Variants in COL13A1 observed in about 807,000 individuals in gnomAD.
COL13A1 encodes collagen alpha-1(XIII) chain.
In COL13A1, 89 loss-of-function variants were observed where a neutral mutation model predicts 130.9. The observed-to-expected ratio is 0.68, with a 90% CI of 0.57 to 0.81. The LOEUF (loss-of-function observed/expected upper bound fraction) is 0.81. Among genes scored for constraint, COL13A1 ranks in the 30% least tolerant of loss-of-function variants. The pLI is 0.00. For missense variants in COL13A1, 879 were observed against 934.6 expected (o/e 0.94, Z 0.78); for synonymous variants, 402 against 341.6 (o/e 1.18, Z -1.95).
intron 26 of COL13A1, among the ~76,000 whole-genome samples, chr10:69,926,682 C>T (rs887775368): frequency 2.0e-5 from 3 of 152,086 alleles, no homozygotes; most frequent in East Asian, 1.9e-4. Context: ...AAGGGAGGTG[C>T]GTGGCAACTT....
intron 3 of COL13A1, among the ~76,000 whole-genome samples, chr10:69,868,119 CAA>C (rs55856106): frequency 0.46 from 58,449 of 126,312 alleles, 13,731 homozygotes; most frequent in Middle Eastern, 0.56. Context: ...CTATTGGAGT[CAA>C]AAAAAAAAAA....
chr10:69,929,914 C>T, intron 28 of COL13A1, 129 bp from the exon 29 acceptor site: 1 of 763,752 alleles, frequency 1.3e-6, no homozygotes, highest in Non-Finnish European at 2.3e-6. Context: ...CCCAGCAACA[C>T]AGTTAGAATT....
At position 69,894,683 on chromosome 10, in the gene COL13A1, G is replaced by C. The variant is rs1289356247; in HGVS notation, c.639G>C (p.Gln213His). ...LTGPPGQPGP[Q>H]GQKGEKGQCG... The stretch of plus-strand genomic sequence containing the variant: ...TCTCCGTCTCTTTGTAGGGACCCCA[G>C]GGACAAAAAGGAGAAAAGGTAAGAG... Residue 213 changes from glutamine (Q) to histidine (H), a missense_variant, in exon 12 of 41, where the codon CAG becomes CAC. Physicochemically the swap from Gln to His is conservative, Grantham distance 24. This residue lies in a region of COL13A1 where 715 missense variants were observed against 721.0 expected (regional missense o/e 0.99). Coordinates refer to ENST00000645393, the MANE Select transcript of COL13A1 (RefSeq NM_001368882.1). 6.2e-7 allele frequency: 1 copy of C among 1,613,892 alleles called. No homozygotes were observed. The highest frequency in any genetic ancestry group is 1.3e-5 in the African/African-American group (1 of 74,938).
rs560006365 is a variant in COL13A1 at position 69,912,483 on chromosome 10, T to C, written c.922-4806T>C. ...GAGAAAACCGTTAGCCCTCCACACC[T>C]GGCTTTTCTGGCCTAGGGAAAAGAC... On this transcript the variant is annotated intron_variant, in intron 17 of 40. Coordinates refer to ENST00000645393, the MANE Select transcript of COL13A1 (RefSeq NM_001368882.1). Among the ~76,000 whole-genome samples the C allele has an allele frequency of 2.0e-5, 3 of 152,272 alleles. 1 individual carries two copies. Among genetic ancestry groups the C allele is most frequent in the South Asian group, 4.1e-4 (2 of 4,830 alleles).
chr10:69,930,409 G>T lies in COL13A1; in HGVS notation c.1540G>T (p.Gly514Cys). The T allele has an allele frequency of 1.2e-6, 2 of 1,606,076 alleles. No homozygotes were observed. The highest frequency in any genetic ancestry group is 2.7e-5 in the African/African-American group (2 of 74,082). The change falls in exon 30 of 41, where the codon GGT (glycine) becomes TGT (cysteine). Residue 514 changes from glycine (G) to cysteine (C), a missense_variant. By Grantham distance (159) the Gly-to-Cys change is radical. Coordinates refer to ENST00000645393, the MANE Select transcript of COL13A1 (RefSeq NM_001368882.1). Reference protein sequence around the residue: ...PGHDGEKGPRGKPGDMGPPGP... With the variant: ...PGHDGEKGPRCKPGDMGPPGP... Reference sequence around the variant, plus strand: ...TTGGTATTTTCTAAAGGGACCTCGCGGTAAACCAGGAGACATGGGCCCTCC... The same window carrying T: ...TTGGTATTTTCTAAAGGGACCTCGCTGTAAACCAGGAGACATGGGCCCTCC...
intron 2 of COL13A1, among the ~76,000 whole-genome samples, chr10:69,865,662 C>T (rs749972499): frequency 4.6e-5 from 7 of 152,190 alleles, no homozygotes; most frequent in Non-Finnish European, 1.0e-4. Flanking sequence ...TGGGTAGTGG[C>T]AGCCTGGCTG....
intron 2 of COL13A1, among the ~76,000 whole-genome samples, chr10:69,857,903 G>A (rs909448051): frequency 6.7e-6 from 1 of 148,334 alleles, no homozygotes; most frequent in African/African-American, 2.5e-5. Flanking sequence ...AGATCACGAG[G>A]TCAGGAGTTC....
At chr10:69,901,892 G>A (rs2062219609) in intron 14 of COL13A1, among the ~76,000 whole-genome samples, 1 of 152,174 alleles carries the variant, frequency 6.6e-6, no homozygotes. Context: ...GAGGAGACAA[G>A]GGAATAATAA....
intron 7 of COL13A1, among the ~76,000 whole-genome samples, chr10:69,882,563 C>T (rs1277030223): frequency 6.6e-6 from 1 of 152,228 alleles, no homozygotes; most frequent in East Asian, 1.9e-4. Context: ...GCCCATTTTA[C>T]AGAGGAGAGA....
intron 7 of COL13A1, among the ~76,000 whole-genome samples, chr10:69,881,111 A>G (rs999705): frequency 0.86 from 130,455 of 152,202 alleles, 56,902 homozygotes; most frequent in Non-Finnish European, 0.95. Context: ...TGCTTCCTTA[A>G]GGACCAAAAC....
At chr10:69,850,632 C>A (rs1000019432) in intron 2 of COL13A1, among the ~76,000 whole-genome samples, 1 of 151,808 alleles carries the variant, frequency 6.6e-6, no homozygotes, top group Non-Finnish European at 1.5e-5. Flanking sequence ...GGCTGTTGTC[C>A]TTGTGATGCT....
At chr10:69,912,170 A>G (rs952761042) in intron 17 of COL13A1, among the ~76,000 whole-genome samples, 1 of 152,036 alleles carries the variant, frequency 6.6e-6, no homozygotes, top group African/African-American at 2.4e-5. Context: ...TTTTTCATGC[A>G]CTCCAAAGTC....
At chr10:69,846,145 T>C (rs946367447) in intron 2 of COL13A1, among the ~76,000 whole-genome samples, 1 of 152,230 alleles carries the variant, frequency 6.6e-6, no homozygotes, top group Non-Finnish European at 1.5e-5. Flanking sequence ...CTGTGATCTC[T>C]CTGGGAGGCC....
intron 3 of COL13A1, among the ~76,000 whole-genome samples, chr10:69,869,578 T>C (rs2134022063): frequency 6.6e-6 from 1 of 152,328 alleles, no homozygotes; most frequent in East Asian, 1.9e-4. Flanking sequence ...AGAACATAAC[T>C]GTGCAGGATG....
chr10:69,847,375 C>T (rs1853446208), intron 2 of COL13A1, among the ~76,000 whole-genome samples: 1 of 152,198 alleles, frequency 6.6e-6, no homozygotes, highest in East Asian at 1.9e-4. Flanking sequence ...CACAGGTACA[C>T]AAATTAGATA....
intron 17 of COL13A1, among the ~76,000 whole-genome samples, chr10:69,914,805 A>G (rs2063749749): frequency 6.6e-6 from 1 of 152,246 alleles, no homozygotes. Flanking sequence ...GGGAGTAGCC[A>G]GACTTCAGAT....
In COL13A1 at chr10:69,898,689, C is replaced by A. The variant is rs778945415; in HGVS notation, c.685-8C>A. ...CCCTCTGGCCCTCCAACTCATCTTT[C>A]TCCTCAGCTGCTGCCTCTCCTCAAT... On this transcript the variant is annotated splice_region_variant and splice_polypyrimidine_tract_variant and intron_variant, in intron 13 of 40. Transcript: ENST00000645393. The A allele has an allele frequency of 8.1e-6, 13 of 1,612,228 alleles. No individual in the cohort carries two copies. The highest frequency in any genetic ancestry group is 1.1e-5 in the Non-Finnish European group (13 of 1,179,182).
In COL13A1 at chr10:69,802,186, TC is replaced by T. The variant is rs1303679032; in HGVS notation, c.-237del. ...AACTTTCCTGGACTTGGAACGTTCT[TC>T]GAAATAACTTTTTTCTCACCTAGGT... is the stretch of plus-strand genomic sequence containing the variant. On this transcript the variant is annotated 5_prime_UTR_variant, in exon 1 of 41. Coordinates refer to ENST00000645393, the MANE Select transcript of COL13A1 (RefSeq NM_001368882.1). 2.1e-6 allele frequency: 1 copy of T among 473,208 alleles called. No individual in the cohort carries two copies. Among genetic ancestry groups the T allele is most frequent in the African/African-American group, 2.1e-5 (1 of 48,660 alleles). 29.3% of individuals were successfully genotyped at this position (473,208 alleles called of 1,614,324 possible).
chr10:69,865,799 G>T (rs72805146), intron 2 of COL13A1, among the ~76,000 whole-genome samples: 2 of 152,088 alleles, frequency 1.3e-5, no homozygotes, highest in Non-Finnish European at 2.9e-5. Context: ...GGTCTGGAGA[G>T]GACTTGGTCT....
Sources: gnomAD v4.1 joint callset for allele counts (sites outside exome capture counted in the v4.1 genomes callset) on GRCh38, gnomAD v4.1.1 for gene constraint, gnomAD v4.1.1 regional missense constraint, MANE v1.5 for transcripts, NCBI Gene and HGNC (gene_info 2026-07-23, HGNC 2026-07-21) for gene names.